GNAQ: variants seen among roughly 807,000 people sequenced by gnomAD.
GNAQ encodes G protein subunit alpha q.
A neutral mutation model predicts 43.9 loss-of-function variants in GNAQ; 8 were observed. That is an observed-to-expected ratio of 0.18 (90% CI 0.11 to 0.33). GNAQ has a LOEUF of 0.33. Among genes scored for constraint, GNAQ ranks in the 10% least tolerant of loss-of-function variants. The probability of loss-of-function intolerance (pLI) is 1.00; values close to 1 mark genes in which losing one functional copy is unlikely to be tolerated. For synonymous variants in GNAQ, 155 were observed against 170.7 expected, an observed-to-expected ratio of 0.91 and a Z score of 0.71; for missense variants, 158 against 450.8, an observed-to-expected ratio of 0.35 and a Z score of 5.88.
chr9:77,739,989 G>A (rs1397465881), intron 5 of GNAQ, among the ~76,000 whole-genome samples: 1 of 152,170 alleles, frequency 6.6e-6, no homozygotes, highest in African/African-American at 2.4e-5. Flanking sequence ...ACACATCAGC[G>A]CATCAGACAG....
At chr9:78,023,302 C>T (rs545924055) in intron 1 of GNAQ, among the ~76,000 whole-genome samples, 13 of 152,336 alleles carry the variant, frequency 8.5e-5, no homozygotes, top group African/African-American at 3.1e-4. Context: ...AAGCACCCAA[C>T]TTCCCCTCTC....
At chr9:77,972,684 T>C (rs1329007971) in intron 1 of GNAQ, among the ~76,000 whole-genome samples, 2 of 152,158 alleles carry the variant, frequency 1.3e-5, no homozygotes, top group African/African-American at 4.8e-5. Flanking sequence ...CCAGTTACGG[T>C]AGCTCACACC....
intron 5 of GNAQ, among the ~76,000 whole-genome samples, chr9:77,756,878 T>A (rs1825912090): frequency 6.6e-6 from 1 of 152,192 alleles, no homozygotes; most frequent in African/African-American, 2.4e-5. Flanking sequence ...GATTCATTGT[T>A]ATTCTTGTTC....
chr9:77,860,143 C>G (rs1185764510), intron 2 of GNAQ, among the ~76,000 whole-genome samples: 2 of 152,190 alleles, frequency 1.3e-5, no homozygotes, highest in Non-Finnish European at 2.9e-5. Flanking sequence ...AGAACAGACT[C>G]ACTATTTCTT....
intron 2 of GNAQ, among the ~76,000 whole-genome samples, chr9:77,863,482 G>A (rs1197300052): frequency 2.0e-5 from 3 of 152,130 alleles, no homozygotes; most frequent in Non-Finnish European, 4.4e-5. Context: ...CAAGTCTCCA[G>A]GGAGTTCCAA....
chr9:78,014,181 G>A (rs1354535908), intron 1 of GNAQ, among the ~76,000 whole-genome samples: 2 of 152,114 alleles, frequency 1.3e-5, no homozygotes, highest in East Asian at 3.9e-4. Flanking sequence ...AATGGAGGAG[G>A]AATAGGGGTA....
At chr9:77,725,094 T>C (rs1383803303) in intron 6 of GNAQ, among the ~76,000 whole-genome samples, 1 of 152,110 alleles carries the variant, frequency 6.6e-6, no homozygotes, top group Non-Finnish European at 1.5e-5. Flanking sequence ...TTTTTTTTCT[T>C]TTTTATTTAC....
At chr9:78,020,127 C>T (rs1823890079) in intron 1 of GNAQ, among the ~76,000 whole-genome samples, 1 of 152,034 alleles carries the variant, frequency 6.6e-6, no homozygotes, top group East Asian at 1.9e-4. Context: ...ATCTACCTGG[C>T]AAGAATATCT....
chr9:77,944,313 A>C (rs1379653226), intron 1 of GNAQ, among the ~76,000 whole-genome samples: 1 of 151,768 alleles, frequency 6.6e-6, no homozygotes, highest in African/African-American at 2.4e-5. Context: ...ATCTTCCGCC[A>C]TACCAGATCA....
At chr9:77,722,651 GAC>G (rs1825334852) in intron 6 of GNAQ, among the ~76,000 whole-genome samples, 3 of 126,122 alleles carry the variant, frequency 2.4e-5, no homozygotes, top group Non-Finnish European at 4.8e-5. Context: ...TGTATCTAAG[GAC>G]TTTTTTTTTT....
At chr9:77,927,615 A>T (rs1055021524) in intron 1 of GNAQ, among the ~76,000 whole-genome samples, 1 of 151,974 alleles carries the variant, frequency 6.6e-6, no homozygotes, top group African/African-American at 2.4e-5. Flanking sequence ...ACACCTTACC[A>T]GGGCCTCTCA....
chr9:77,785,811 T>C (rs1826467982), intron 5 of GNAQ, among the ~76,000 whole-genome samples: 1 of 152,144 alleles, frequency 6.6e-6, no homozygotes, highest in Non-Finnish European at 1.5e-5. Flanking sequence ...AAATCACAAT[T>C]TGAAGCAATT....
At chr9:77,862,707 GT>G (rs1382363497) in intron 2 of GNAQ, among the ~76,000 whole-genome samples, 1 of 152,188 alleles carries the variant, frequency 6.6e-6, no homozygotes, top group African/African-American at 2.4e-5. Context: ...TTAACATTTG[GT>G]TCCTCGTTAC....
At chr9:77,801,142 A>G (rs928069681) in intron 3 of GNAQ, among the ~76,000 whole-genome samples, 2 of 152,228 alleles carry the variant, frequency 1.3e-5, no homozygotes, top group African/African-American at 4.8e-5. Context: ...GAGTGTTAGC[A>G]CAGGAGAATT....
chr9:77,731,726 G>A (rs1358626610), intron 5 of GNAQ, among the ~76,000 whole-genome samples: 1 of 152,186 alleles, frequency 6.6e-6, no homozygotes, highest in Admixed American at 6.5e-5. Flanking sequence ...ATGGGGTGGA[G>A]CCCGAGGGTC....
chr9:77,797,447 GTATT>G, intron 4 of GNAQ, 69 bp downstream of exon 4: 1 of 1,109,838 alleles, frequency 9.0e-7, no homozygotes, highest in Admixed American at 1.7e-5. Flanking sequence ...CATGATTCCA[GTATT>G]TATAGAGTTT....
intron 2 of GNAQ, among the ~76,000 whole-genome samples, chr9:77,916,741 T>A (rs1417015631): frequency 2.0e-5 from 3 of 151,614 alleles, no homozygotes; most frequent in Admixed American, 2.0e-4. Flanking sequence ...GACTTTCAAG[T>A]CTAAAAGGAA....
intron 2 of GNAQ, among the ~76,000 whole-genome samples, chr9:77,868,386 T>C (rs1032901711): frequency 6.6e-6 from 1 of 152,236 alleles, no homozygotes; most frequent in Non-Finnish European, 1.5e-5. Flanking sequence ...TTTAATGATC[T>C]GTGGCATGGT....
At chr9:77,786,232 G>A (rs1826475505) in intron 5 of GNAQ, among the ~76,000 whole-genome samples, 1 of 151,820 alleles carries the variant, frequency 6.6e-6, no homozygotes, top group Admixed American at 6.6e-5. Context: ...AAAAAAATTA[G>A]CTGGGCGTGG....
Sources: gnomAD v4.1 joint callset for allele counts (sites outside exome capture counted in the v4.1 genomes callset) on GRCh38, gnomAD v4.1.1 for gene constraint, MANE v1.5 for transcripts, NCBI Gene and HGNC (gene_info 2026-07-23, HGNC 2026-07-21) for gene names.